Variants in TULP4 observed in about 807,000 individuals in gnomAD.
The protein encoded by TULP4 is tubby-related protein 4.
Under a neutral mutation model 129.0 loss-of-function variants are expected in TULP4, and 16 were observed. The observed-to-expected ratio is 0.12, with a 90% CI of 0.08 to 0.19. The LOEUF is 0.19. TULP4 is among the 10% of genes least tolerant of loss of function. TULP4 has a pLI of 1.00. For missense variants in TULP4, 1,842 were observed against 2,059.1 expected (o/e 0.89, Z 2.04); for synonymous variants, 998 against 854.0 (o/e 1.17, Z -2.94).
chr6:158,240,849 AC>A (rs1291889496), intron 1 of TULP4, among the ~76,000 whole-genome samples: 2 of 123,372 alleles, frequency 1.6e-5, no homozygotes, highest in Non-Finnish European at 3.5e-5. Flanking sequence ...GGGGGGGCTG[AC>A]CCCCCACCTC....
intron 1 of TULP4, 102 bp downstream of exon 1, chr6:158,314,370 C>A: frequency 7.4e-7 from 1 of 1,354,920 alleles, no homozygotes; most frequent in South Asian, 1.4e-5. Flanking sequence ...AGACTTGCTG[C>A]CTAGTGAGAC....
At chr6:158,463,649 A>AATATAT (rs60561997) in intron 6 of TULP4, among the ~76,000 whole-genome samples, 29 of 137,804 alleles carry the variant, frequency 2.1e-4, no homozygotes, top group Non-Finnish European at 2.6e-4. Flanking sequence ...GTATAATAAA[A>AATATAT]ATATATATAT....
At chr6:158,351,442 A>G (rs191755406) in intron 1 of TULP4, among the ~76,000 whole-genome samples, 22 of 152,332 alleles carry the variant, frequency 1.4e-4, no homozygotes, top group Admixed American at 7.8e-4. Context: ...TTGCAAATTA[A>G]TCAAAAGTTG....
Position 158,506,936 on chromosome 6 carries a change from A to G in TULP4, c.*242A>G. 2.0e-6 allele frequency: 1 copy of G among 507,846 alleles called. No individual in the cohort carries two copies. The highest frequency in any genetic ancestry group is 2.1e-5 in the South Asian group (1 of 46,588). 31.5% of individuals were successfully genotyped at this position (507,846 alleles called of 1,614,324 possible). Reference sequence around the variant, plus strand: ...TTCATTTCAGTGGCATTTGGAAGCAAAGAGTGCTAGGCACCTGCTGTTCTT... The same window carrying G: ...TTCATTTCAGTGGCATTTGGAAGCAGAGAGTGCTAGGCACCTGCTGTTCTT... On this transcript the variant is annotated 3_prime_UTR_variant, in exon 14 of 14. Coordinates refer to ENST00000367097, the MANE Select transcript of TULP4 (RefSeq NM_020245.5).
intron 1 of TULP4, among the ~76,000 whole-genome samples, chr6:158,382,190 TG>T (rs917208693): frequency 1.3e-5 from 2 of 152,190 alleles, no homozygotes; most frequent in African/African-American, 2.4e-5. Context: ...AACAGATTTC[TG>T]GGACTGCATC....
chr6:158,394,107 T>TA (rs1777653306), intron 1 of TULP4, among the ~76,000 whole-genome samples: 1 of 152,234 alleles, frequency 6.6e-6, no homozygotes, highest in African/African-American at 2.4e-5. Context: ...TTCTGGCAGA[T>TA]ACCCTAATCA....
chr6:158,478,144 C>A (rs1022151372), intron 6 of TULP4, among the ~76,000 whole-genome samples: 1 of 152,102 alleles, frequency 6.6e-6, no homozygotes, highest in Non-Finnish European at 1.5e-5. Flanking sequence ...AAATGCCTGT[C>A]GGGTACTATG....
chr6:158,332,133 C>T (rs1367011561), intron 1 of TULP4, among the ~76,000 whole-genome samples: 5 of 139,576 alleles, frequency 3.6e-5, no homozygotes, highest in Non-Finnish European at 7.6e-5. Context: ...GATCACGCCA[C>T]TGCACTTCAG....
intron 1 of TULP4, among the ~76,000 whole-genome samples, chr6:158,241,156 G>A (rs202003015): frequency 3.0e-5 from 4 of 135,222 alleles, no homozygotes; most frequent in African/African-American, 5.2e-5. Context: ...ATGGGCGGCC[G>A]GGCAGAGACG....
intron 1 of TULP4, among the ~76,000 whole-genome samples, chr6:158,268,219 A>G (rs1310192240): frequency 6.6e-6 from 1 of 151,058 alleles, no homozygotes; most frequent in Non-Finnish European, 1.5e-5. Context: ...TTGTATTTTT[A>G]GTGGAGACGG....
At position 158,427,471 on chromosome 6, in the gene TULP4, C is replaced by CTTTTTTTTT. The variant is rs557678837; in HGVS notation, c.382-2232_382-2224dup. 3.3e-3 allele frequency among the ~76,000 whole-genome samples: 248 copies of CTTTTTTTTT among 74,130 alleles called. 49 individuals carry two copies. Among genetic ancestry groups the CTTTTTTTTT allele is most frequent in the African/African-American group, 3.9e-3 (63 of 16,108 alleles). 48.6% of individuals were successfully genotyped at this position (74,130 alleles called of 152,430 possible). On this transcript the variant is annotated intron_variant, in intron 2 of 13. Coordinates refer to ENST00000367097, the MANE Select transcript of TULP4 (RefSeq NM_020245.5). The stretch of plus-strand genomic sequence containing the variant: ...AAATTCCTTTTCAAAATTATCAGAC[C>CTTTTTTTTT]TTTTTTTTTTTTTTTTTTTTTTTTT...
At chr6:158,336,070 A>G (rs933487889) in intron 1 of TULP4, among the ~76,000 whole-genome samples, 2 of 152,226 alleles carry the variant, frequency 1.3e-5, no homozygotes, top group Non-Finnish European at 2.9e-5. Context: ...TTATGAGAAT[A>G]CCATTTTCTC....
chr6:158,377,642 G>C (rs1019536122), intron 1 of TULP4, among the ~76,000 whole-genome samples: 18 of 152,302 alleles, frequency 1.2e-4, no homozygotes, highest in African/African-American at 4.3e-4. Context: ...TAGGGCTCCT[G>C]CCTTTGAAGA....
At position 158,313,283 on chromosome 6, in the gene TULP4, A is replaced by G. The variant is rs9456286; in HGVS notation, c.-734A>G. The G allele has an allele frequency of 0.19, 73,843 of 385,862 alleles. 8,166 individuals are homozygous for G. Among genetic ancestry groups the G allele is most frequent in the Non-Finnish European group, 0.23 (51,389 of 218,716 alleles). 23.9% of individuals were successfully genotyped at this position (385,862 alleles called of 1,614,324 possible). ...CTGCGTTCCCCGGGGACACAGGGCC[A>G]AGCTTTGAGGTGGAAAGTTTCTGGT... On this transcript the variant is annotated 5_prime_UTR_variant, in exon 1 of 14. Transcript: ENST00000367097.
intron 1 of TULP4, among the ~76,000 whole-genome samples, chr6:158,304,804 C>G (rs1779187216): frequency 1.3e-5 from 2 of 151,828 alleles, no homozygotes; most frequent in Admixed American, 6.6e-5. Flanking sequence ...GTAGCTGGGA[C>G]TACAGGTGTG....
At chr6:158,437,013 G>A (rs1157557280) in intron 3 of TULP4, among the ~76,000 whole-genome samples, 1 of 152,176 alleles carries the variant, frequency 6.6e-6, no homozygotes, top group East Asian at 1.9e-4. Flanking sequence ...ATGTCCCTGA[G>A]GCCACTGTGT....
intron 5 of TULP4, 145 bp from the exon 6 acceptor site, chr6:158,461,418 A>G: frequency 1.2e-6 from 1 of 860,186 alleles, no homozygotes. Context: ...TCTCAAAAAA[A>G]AAAAAAAAGG....
intron 1 of TULP4, chr6:158,238,409 TA>T: frequency 2.2e-6 from 1 of 457,236 alleles, no homozygotes; most frequent in South Asian, 4.0e-5. Context: ...AATGCCTTGT[TA>T]AATTGTTTTT....
At chr6:158,258,686 AAAACT>A (rs1778292477) in intron 1 of TULP4, among the ~76,000 whole-genome samples, 1 of 152,224 alleles carries the variant, frequency 6.6e-6, no homozygotes, top group Non-Finnish European at 1.5e-5. Flanking sequence ...AATCAAATAA[AAAACT>A]AAATTAAAAC....
Sources: allele counts gnomAD v4.1 joint callset (sites outside exome capture counted in the v4.1 genomes callset), GRCh38; gene constraint gnomAD v4.1.1; transcripts MANE v1.5; gene names NCBI Gene and HGNC (gene_info 2026-07-23, HGNC 2026-07-21).